ULK4: variants seen among roughly 807,000 people sequenced by gnomAD.
The protein encoded by ULK4 is unc-51 like kinase 4.
A neutral mutation model predicts 160.6 loss-of-function variants in ULK4; 133 were observed. The ratio of observed to expected loss-of-function variants is 0.83; its 90% CI spans 0.72 to 0.96. ULK4 has a LOEUF of 0.96. Among genes scored for constraint, ULK4 ranks in the 40% least tolerant of loss-of-function variants. The pLI, the probability that ULK4 is intolerant of heterozygous loss-of-function variation, is 0.00. For missense variants in ULK4, 1,580 were observed against 1,499.5 expected, an observed-to-expected ratio of 1.05 and a Z score of -0.89; for synonymous variants, 534 against 539.8, an observed-to-expected ratio of 0.99 and a Z score of 0.15.
chr3:41,431,317 C>T (rs1575549604), intron 34 of ULK4, among the ~76,000 whole-genome samples: 1 of 151,136 alleles, frequency 6.6e-6, no homozygotes, highest in East Asian at 1.9e-4. Flanking sequence ...CGCTGCACTA[C>T]AGCCAGGCAA....
intron 22 of ULK4, among the ~76,000 whole-genome samples, chr3:41,748,404 T>G (rs528880613): frequency 6.6e-6 from 1 of 152,194 alleles, no homozygotes; most frequent in South Asian, 2.1e-4. Context: ...GGTTTCTTAA[T>G]GGGATTTTGG....
intron 29 of ULK4, among the ~76,000 whole-genome samples, chr3:41,679,663 CT>C (rs1296173127): frequency 6.6e-6 from 1 of 152,140 alleles, no homozygotes. Context: ...TGAGTTAACA[CT>C]TTTTATTTCA....
At chr3:41,854,296 T>C (rs1239087865) in intron 17 of ULK4, 1 of 152,230 alleles carries the variant, frequency 6.6e-6, no homozygotes, top group African/African-American at 2.4e-5. Flanking sequence ...TGGGAGACTG[T>C]CTTAATGAAG....
In ULK4 at chr3:41,896,921, C is replaced by A; in HGVS notation, c.1431G>T (p.Lys477Asn). Residue 477 changes from lysine to asparagine, a missense_variant, in exon 15 of 37, where the codon AAG becomes AAT. By Grantham distance (94) the Lys-to-Asn change is moderately conservative (BLOSUM62 0). Coordinates refer to ENST00000301831, the MANE Select transcript of ULK4 (RefSeq NM_017886.4). ...GCTTGGCTCGGGAGGCCCCCATGCTCTTCTCAGTGGAGTCGATCTGCGAGC... is the reference window on the plus strand; with the variant it reads ...GCTTGGCTCGGGAGGCCCCCATGCTATTCTCAGTGGAGTCGATCTGCGAGC... ...QVCSQIDSTE[K>N]SMGASRAKLN... is the part of the protein sequence containing the mutation. 1 of 1,613,562 alleles carries A rather than the reference C, an allele frequency of 6.2e-7. No homozygotes were observed. Among genetic ancestry groups the A allele is most frequent in the South Asian group, 1.1e-5 (1 of 91,074 alleles).
intron 32 of ULK4, among the ~76,000 whole-genome samples, chr3:41,511,618 GCAAA>G (rs1220864892): frequency 2.6e-5 from 4 of 151,952 alleles, no homozygotes; most frequent in African/African-American, 7.3e-5. Flanking sequence ...ACAGAGAAAA[GCAAA>G]CAGTGAGATT....
At chr3:41,862,311 ATTTCT>A (rs1478573364) in intron 17 of ULK4, among the ~76,000 whole-genome samples, 1 of 151,014 alleles carries the variant, frequency 6.6e-6, no homozygotes, top group Non-Finnish European at 1.5e-5. Flanking sequence ...GTTACCTTGA[ATTTCT>A]TTTGAGTTTC....
At chr3:41,824,248 C>G (rs1017300825) in intron 18 of ULK4, among the ~76,000 whole-genome samples, 4 of 151,376 alleles carry the variant, frequency 2.6e-5, no homozygotes, top group African/African-American at 9.7e-5. Context: ...GCGATGCAGA[C>G]GATGGGTGAT....
chr3:41,868,788 G>C (rs1195733039), intron 17 of ULK4, among the ~76,000 whole-genome samples: 1 of 151,610 alleles, frequency 6.6e-6, no homozygotes, highest in African/African-American at 2.4e-5. Context: ...TGAGCCACTG[G>C]ACCAGCTAGG....
At chr3:41,872,862 C>T (rs1199351992) in intron 17 of ULK4, among the ~76,000 whole-genome samples, 1 of 151,862 alleles carries the variant, frequency 6.6e-6, no homozygotes, top group Non-Finnish European at 1.5e-5. Flanking sequence ...AGATAAAAAT[C>T]AACAAACTTC....
rs56331003 is a variant in ULK4, at chr3:41,578,649, T to C, written c.3121-12519A>G. ...TAATGTAGGTGAATAAATTAATAAATGTGGGTCCAAAATGTTGTGCTAAAG... is the reference window on the plus strand; with the variant it reads ...TAATGTAGGTGAATAAATTAATAAACGTGGGTCCAAAATGTTGTGCTAAAG... On this transcript the variant is annotated intron_variant, in intron 31 of 36. Transcript: ENST00000301831. 3.3e-3 allele frequency among the ~76,000 whole-genome samples: 509 copies of C among 152,278 alleles called. 3 individuals are homozygous for C. Among genetic ancestry groups the C allele is most frequent in the African/African-American group, 0.012 (484 of 41,566 alleles).
Position 41,291,445 on chromosome 3 carries a change from G to A in ULK4, c.3679-41871C>T, listed in dbSNP as rs978813155. Among the ~76,000 whole-genome samples, 11 of 134,934 alleles carry A rather than the reference G, an allele frequency of 8.2e-5. No homozygotes were observed. In the South Asian group the frequency reaches 8.7e-4, roughly 11 times the overall value. The allele number at this position is 134,934 out of a possible 152,430, so 88.5% of individuals were successfully genotyped here. A position where few individuals can be genotyped will look rare whatever the true frequency, so the allele number is the denominator to read the frequency against. On this transcript the variant is annotated intron_variant, in intron 35 of 36. Transcript: ENST00000301831. ...AGGAGAGAGAAGGAGAGAGAAGGAG[G>A]AGAGGGGAGGGAAGAAGAGGAGGGG...
At chr3:41,528,377 T>G (rs568986556) in intron 32 of ULK4, among the ~76,000 whole-genome samples, 1 of 152,328 alleles carries the variant, frequency 6.6e-6, no homozygotes, top group Admixed American at 6.5e-5. Flanking sequence ...TCAATAGAAA[T>G]GTATAGAAAC....
chr3:41,267,972 C>A (rs1206088526), intron 35 of ULK4, among the ~76,000 whole-genome samples: 1 of 152,170 alleles, frequency 6.6e-6, no homozygotes, highest in Non-Finnish European at 1.5e-5. Context: ...TCAGTGGCTT[C>A]ATGGCACAGC....
At chr3:41,672,650 T>A (rs891259354) in intron 29 of ULK4, among the ~76,000 whole-genome samples, 14 of 152,126 alleles carry the variant, frequency 9.2e-5, no homozygotes, top group African/African-American at 3.1e-4. Context: ...GCAGAGTGAC[T>A]GTAGTTAACA....
chr3:41,800,059 T>C (rs1025776054), intron 20 of ULK4, 73 bp downstream of exon 20: 54 of 1,300,018 alleles, frequency 4.2e-5, no homozygotes, highest in South Asian at 2.1e-4. Context: ...AATTTATTCT[T>C]ATTCTAATAT....
chr3:41,255,146 A>G (rs1251821975), intron 35 of ULK4, among the ~76,000 whole-genome samples: 4 of 151,756 alleles, frequency 2.6e-5, no homozygotes, highest in Non-Finnish European at 5.9e-5. Context: ...ACACACACAC[A>G]CACACACACA....
chr3:41,350,086 C>G (rs897054849), intron 35 of ULK4, among the ~76,000 whole-genome samples: 1 of 152,118 alleles, frequency 6.6e-6, no homozygotes, highest in African/African-American at 2.4e-5. Context: ...ACAGACCTTT[C>G]CATATTTTAT....
At chr3:41,512,210 G>C (rs906107277) in intron 32 of ULK4, among the ~76,000 whole-genome samples, 5 of 152,148 alleles carry the variant, frequency 3.3e-5, no homozygotes, top group Non-Finnish European at 5.9e-5. Flanking sequence ...TTCCCCCTGA[G>C]AACTGGAACA....
chr3:41,862,128 T>G (rs1250868323), intron 17 of ULK4, among the ~76,000 whole-genome samples: 3 of 152,206 alleles, frequency 2.0e-5, no homozygotes, highest in African/African-American at 7.2e-5. Context: ...AATTAGGCAG[T>G]CTTCAAGCTC....
Sources: allele counts gnomAD v4.1 joint callset (sites outside exome capture counted in the v4.1 genomes callset), GRCh38; gene constraint gnomAD v4.1.1; transcripts MANE v1.5; gene names NCBI Gene and HGNC (gene_info 2026-07-23, HGNC 2026-07-21).